Variants in RNGTT observed in about 807,000 individuals in gnomAD.
RNGTT encodes the protein mRNA-capping enzyme.
A neutral mutation model predicts 79.3 loss-of-function variants in RNGTT; 33 were observed. The observed-to-expected ratio is 0.42, with a 90% CI of 0.32 to 0.56. The LOEUF (loss-of-function observed/expected upper bound fraction) is 0.56, where lower values mean the gene tolerates loss of function less well. Ranked by LOEUF, RNGTT falls within the 20% of genes least tolerant of loss-of-function variation. RNGTT has a pLI of 0.17. For synonymous variants in RNGTT, 222 were observed against 235.9 expected, an observed-to-expected ratio of 0.94 and a Z score of 0.54; for missense variants, 497 against 739.1, an observed-to-expected ratio of 0.67 and a Z score of 3.80.
intron 11 of RNGTT, among the ~76,000 whole-genome samples, chr6:88,835,866 G>A (rs1170516323): frequency 1.3e-5 from 2 of 151,578 alleles, no homozygotes; most frequent in East Asian, 3.9e-4. Flanking sequence ...CAGGCACAGT[G>A]GTATACGCCT....
At position 88,907,319 on chromosome 6, in the gene RNGTT, G is replaced by A. The variant is rs1374088882; in HGVS notation, c.368-879C>T. On this transcript the variant is annotated intron_variant, in intron 4 of 15. Transcript: ENST00000369485. Reference sequence around the variant, plus strand: ...AGGTGGTTTCCCCCATGCTGTTCTTGTGATAGTGAGTGAGTTCTCATGAGA... The same window carrying A: ...AGGTGGTTTCCCCCATGCTGTTCTTATGATAGTGAGTGAGTTCTCATGAGA... Among the ~76,000 whole-genome samples, 3 of 152,300 alleles carry A rather than the reference G, an allele frequency of 2.0e-5. No individual in the cohort carries two copies. In the East Asian group the frequency reaches 5.8e-4, roughly 29 times the overall value.
At chr6:88,629,508 T>C (rs1398531234) in intron 14 of RNGTT, among the ~76,000 whole-genome samples, 1 of 152,206 alleles carries the variant, frequency 6.6e-6, no homozygotes, top group Non-Finnish European at 1.5e-5. Context: ...ATTTCTCATT[T>C]TGTTCCCTCC....
chr6:88,857,710 A>G (rs897981899), intron 8 of RNGTT, among the ~76,000 whole-genome samples: 1 of 152,180 alleles, frequency 6.6e-6, no homozygotes, highest in African/African-American at 2.4e-5. Flanking sequence ...ACCAGAATAC[A>G]TTAAATAATT....
rs548559362 is a variant in RNGTT at position 88,744,365 on chromosome 6, G to A, written c.1439+25409C>T. Among the ~76,000 whole-genome samples, 34 of 152,002 alleles carry A rather than the reference G, an allele frequency of 2.2e-4. 1 individual carries two copies. The highest frequency in any genetic ancestry group is 3.6e-4 in the African/African-American group (15 of 41,486). ...CAACCTCCACCTCCCGGGTTTAAGC[G>A]ATTCTCCCACCTCAGCCTCCAGAGT... On this transcript the variant is annotated intron_variant, in intron 13 of 15. Transcript: ENST00000369485.
intron 6 of RNGTT, among the ~76,000 whole-genome samples, chr6:88,892,988 A>T (rs1313882149): frequency 6.6e-6 from 1 of 152,042 alleles, no homozygotes; most frequent in African/African-American, 2.4e-5. Flanking sequence ...TTCCTTAAAT[A>T]ACCAAAATTT....
chr6:88,817,749 ATTTTTTTTTTTTT>A (rs71554802), intron 11 of RNGTT, among the ~76,000 whole-genome samples: 12 of 71,570 alleles, frequency 1.7e-4, no homozygotes, highest in Non-Finnish European at 2.9e-4. Flanking sequence ...TATTCACATC[ATTTTTTTTTTTTT>A]TTTTTTTTTT....
intron 11 of RNGTT, among the ~76,000 whole-genome samples, chr6:88,825,167 G>A (rs1780617049): frequency 6.6e-6 from 1 of 152,302 alleles, no homozygotes; most frequent in South Asian, 2.1e-4. Flanking sequence ...TTATCATAGA[G>A]CATACACTGA....
chr6:88,903,233 A>G (rs993877848), intron 6 of RNGTT, among the ~76,000 whole-genome samples: 4 of 152,176 alleles, frequency 2.6e-5, no homozygotes, highest in African/African-American at 9.7e-5. Flanking sequence ...TGGTGCTTGT[A>G]AGAGATACAC....
At chr6:88,762,752 G>A (rs1248264401) in intron 13 of RNGTT, among the ~76,000 whole-genome samples, 1 of 152,102 alleles carries the variant, frequency 6.6e-6, no homozygotes, top group Non-Finnish European at 1.5e-5. Context: ...TGTCATTAAA[G>A]TCCCACACGA....
chr6:88,834,594 T>C (rs931079725), intron 11 of RNGTT, among the ~76,000 whole-genome samples: 6 of 152,176 alleles, frequency 3.9e-5, no homozygotes, highest in African/African-American at 1.2e-4. Flanking sequence ...TCTTCATGTT[T>C]ATGCAAAAAT....
intron 4 of RNGTT, among the ~76,000 whole-genome samples, chr6:88,913,404 C>A (rs528373665): frequency 4.2e-4 from 63 of 150,108 alleles, no homozygotes; most frequent in Middle Eastern, 6.8e-3. Flanking sequence ...AAAAACACAA[C>A]AAAAAAAAAT....
intron 13 of RNGTT, among the ~76,000 whole-genome samples, chr6:88,764,078 T>C (rs1778363259): frequency 1.3e-5 from 2 of 152,198 alleles, no homozygotes; most frequent in Non-Finnish European, 2.9e-5. Flanking sequence ...GGGCAGCAAC[T>C]GGCTTCTTAT....
At chr6:88,613,787 T>C (rs749185344) in intron 15 of RNGTT, among the ~76,000 whole-genome samples, 2 of 152,244 alleles carry the variant, frequency 1.3e-5, no homozygotes, top group Admixed American at 6.5e-5. Context: ...AGCATTCATA[T>C]TGTACCCAAA....
At chr6:88,921,244 C>T (rs1247182072) in intron 4 of RNGTT, among the ~76,000 whole-genome samples, 10 of 151,736 alleles carry the variant, frequency 6.6e-5, no homozygotes, top group African/African-American at 9.7e-5. Flanking sequence ...AAAGGTTAGA[C>T]TCAGGTTTCT....
At chr6:88,620,312 C>T (rs904595771) in intron 14 of RNGTT, among the ~76,000 whole-genome samples, 2 of 152,180 alleles carry the variant, frequency 1.3e-5, no homozygotes, top group African/African-American at 2.4e-5. Flanking sequence ...ATAGACAAGT[C>T]ACAACTAAAG....
At chr6:88,963,092 C>T (rs1785696181) in intron 1 of RNGTT, among the ~76,000 whole-genome samples, 1 of 152,158 alleles carries the variant, frequency 6.6e-6, no homozygotes, top group Non-Finnish European at 1.5e-5. Flanking sequence ...TCCTCACCTC[C>T]TGCCACCAAC....
intron 1 of RNGTT, among the ~76,000 whole-genome samples, chr6:88,957,945 T>C (rs1304972827): frequency 6.6e-6 from 1 of 151,764 alleles, no homozygotes; most frequent in African/African-American, 2.4e-5. Flanking sequence ...AAAGAACAAA[T>C]GTAAAGGCAT....
intron 11 of RNGTT, among the ~76,000 whole-genome samples, chr6:88,812,100 A>G (rs776324776): frequency 5.3e-5 from 8 of 152,186 alleles, no homozygotes; most frequent in Non-Finnish European, 1.0e-4. Flanking sequence ...AGCCAACATC[A>G]TTATCTTCTT....
At chr6:88,909,501 G>A (rs1783765200) in intron 4 of RNGTT, among the ~76,000 whole-genome samples, 1 of 152,162 alleles carries the variant, frequency 6.6e-6, no homozygotes, top group African/African-American at 2.4e-5. Context: ...AGGTCCCTAA[G>A]GAGTTTCAGG....
Sources: gnomAD v4.1 joint callset for allele counts (sites outside exome capture counted in the v4.1 genomes callset) on GRCh38, gnomAD v4.1.1 for gene constraint, MANE v1.5 for transcripts, NCBI Gene and HGNC (gene_info 2026-07-23, HGNC 2026-07-21) for gene names.